GPC5: variants seen among roughly 807,000 people sequenced by gnomAD.
GPC5 encodes the protein glypican-5.
GPC5 carries 47 observed loss-of-function variants against 53.9 expected under a neutral mutation model. The ratio of observed to expected loss-of-function variants is 0.87; its 90% CI spans 0.69 to 1.11. The LOEUF is 1.11. Among genes scored for constraint, GPC5 ranks in the 50% most tolerant of loss-of-function variants. GPC5 has a pLI of 0.00. For missense variants in GPC5, 748 were observed against 713.1 expected (o/e 1.05, Z -0.56); for synonymous variants, 286 against 263.3 (o/e 1.09, Z -0.84).
rs7330261 is a variant in GPC5 at position 92,563,060 on chromosome 13, G to T, written c.1562-303222G>T. On this transcript the variant is annotated intron_variant, in intron 7 of 7. Coordinates refer to ENST00000377067, the MANE Select transcript of GPC5 (RefSeq NM_004466.6). ...AATTCCCCCACTCCAGTTTGGTGAC[G>T]GGCAGGTACCAATCAATATCATTTT... 5.9e-3 allele frequency among the ~76,000 whole-genome samples: 898 copies of T among 151,980 alleles called. 12 individuals are homozygous for T. Among genetic ancestry groups the T allele is most frequent in the African/African-American group, 0.02 (838 of 41,482 alleles).
chr13:91,975,291 G>A (rs1444033755), intron 6 of GPC5, among the ~76,000 whole-genome samples: 1 of 152,110 alleles, frequency 6.6e-6, no homozygotes, highest in South Asian at 2.1e-4. Context: ...AAACTAAAGA[G>A]CTTCTGCACA....
At chr13:91,697,813 T>C (rs2035911346) in intron 3 of GPC5, among the ~76,000 whole-genome samples, 1 of 152,096 alleles carries the variant, frequency 6.6e-6, no homozygotes, top group Non-Finnish European at 1.5e-5. Context: ...TTTAATAACA[T>C]TGTTTCAAGA....
intron 2 of GPC5, among the ~76,000 whole-genome samples, chr13:91,620,750 T>G (rs2033831838): frequency 6.6e-6 from 1 of 152,140 alleles, no homozygotes; most frequent in South Asian, 2.1e-4. Flanking sequence ...TTTAGAATTA[T>G]CTGTAGCTGA....
At chr13:91,938,967 G>C (rs758014811) in intron 6 of GPC5, among the ~76,000 whole-genome samples, 1 of 152,022 alleles carries the variant, frequency 6.6e-6, no homozygotes, top group African/African-American at 2.4e-5. Context: ...TGTAGTGCCT[G>C]TGGCAATTGA....
At chr13:92,333,702 T>C (rs552818560) in intron 7 of GPC5, among the ~76,000 whole-genome samples, 9 of 152,198 alleles carry the variant, frequency 5.9e-5, no homozygotes, top group Non-Finnish European at 8.8e-5. Context: ...AACATGCTAC[T>C]AGCTACATCA....
chr13:91,680,265 A>G (rs564102968), intron 2 of GPC5, among the ~76,000 whole-genome samples: 3 of 152,310 alleles, frequency 2.0e-5, no homozygotes, highest in East Asian at 1.9e-4. Context: ...CTTGGCCAAC[A>G]TGGTGAAACC....
At chr13:92,060,350 C>A (rs1469532577) in intron 6 of GPC5, among the ~76,000 whole-genome samples, 2 of 152,032 alleles carry the variant, frequency 1.3e-5, no homozygotes, top group East Asian at 3.8e-4. Flanking sequence ...AATATTTTAA[C>A]TTATCCAAAA....
intron 5 of GPC5, among the ~76,000 whole-genome samples, chr13:91,906,450 T>G (rs1340334435): frequency 6.6e-6 from 1 of 152,134 alleles, no homozygotes; most frequent in Non-Finnish European, 1.5e-5. Flanking sequence ...CATAATGTTG[T>G]ATTTTAACTG....
intron 7 of GPC5, among the ~76,000 whole-genome samples, chr13:92,232,649 G>T (rs973584267): frequency 6.6e-6 from 1 of 152,172 alleles, no homozygotes; most frequent in Non-Finnish European, 1.5e-5. Flanking sequence ...AAATCAGAAG[G>T]ATAGAGGCAT....
intron 6 of GPC5, among the ~76,000 whole-genome samples, chr13:92,070,939 A>T (rs113010993): frequency 0.018 from 2,692 of 152,264 alleles, 31 homozygotes; most frequent in Non-Finnish European, 0.025. Context: ...AACTTTACAG[A>T]TGAAATGAAA....
intron 6 of GPC5, among the ~76,000 whole-genome samples, chr13:91,942,792 C>G (rs1222093900): frequency 1.2e-4 from 18 of 152,068 alleles, no homozygotes; most frequent in Non-Finnish European, 1.5e-5. Context: ...CAAATTGTTG[C>G]TCAAGTCATG....
intron 2 of GPC5, among the ~76,000 whole-genome samples, chr13:91,519,618 T>A (rs1885698050): frequency 6.6e-6 from 1 of 152,246 alleles, no homozygotes; most frequent in African/African-American, 2.4e-5. Flanking sequence ...CCCAGCCATG[T>A]GGAACTATGA....
chr13:92,742,342 T>A (rs1594471112), intron 7 of GPC5, among the ~76,000 whole-genome samples: 1 of 152,156 alleles, frequency 6.6e-6, no homozygotes. Context: ...CCAGTGATGG[T>A]GAGCATTTTT....
intron 1 of GPC5, among the ~76,000 whole-genome samples, chr13:91,405,909 C>T (rs1341789193): frequency 6.6e-6 from 1 of 152,118 alleles, no homozygotes; most frequent in African/African-American, 2.4e-5. Context: ...GTAGCTGGGC[C>T]CGTAGGTGCA....
At chr13:91,924,022 A>G (rs557671035) in intron 6 of GPC5, among the ~76,000 whole-genome samples, 5 of 152,272 alleles carry the variant, frequency 3.3e-5, no homozygotes, top group South Asian at 4.1e-4. Context: ...AAAGAATCAC[A>G]TTACCCAAGA....
intron 7 of GPC5, among the ~76,000 whole-genome samples, chr13:92,227,385 C>A (rs987271760): frequency 1.3e-5 from 2 of 152,164 alleles, no homozygotes; most frequent in African/African-American, 4.8e-5. Context: ...AAGAATAGTT[C>A]TCCAGAAAGT....
At chr13:92,229,748 A>G (rs1475732966) in intron 7 of GPC5, among the ~76,000 whole-genome samples, 1 of 152,064 alleles carries the variant, frequency 6.6e-6, no homozygotes, top group Non-Finnish European at 1.5e-5. Flanking sequence ...TTTCAGAGAT[A>G]CAGAAAAGTT....
intron 2 of GPC5, among the ~76,000 whole-genome samples, chr13:91,675,740 T>C (rs1418708250): frequency 6.6e-6 from 1 of 152,090 alleles, no homozygotes; most frequent in Non-Finnish European, 1.5e-5. Flanking sequence ...ATGGACTGTG[T>C]GAAGGGTTCA....
intron 5 of GPC5, among the ~76,000 whole-genome samples, chr13:91,831,240 G>C: frequency 6.6e-6 from 1 of 151,270 alleles, no homozygotes; most frequent in Middle Eastern, 3.2e-3. Context: ...TCTGATGTTG[G>C]AGGGCAGGAA....
Sources: allele counts gnomAD v4.1 joint callset (sites outside exome capture counted in the v4.1 genomes callset), GRCh38; gene constraint gnomAD v4.1.1; transcripts MANE v1.5; gene names NCBI Gene and HGNC (gene_info 2026-07-23, HGNC 2026-07-21).